MAPK8: variants seen among roughly 807,000 people sequenced by gnomAD.
The protein encoded by MAPK8 is mitogen-activated protein kinase 8, also known as JUN N-terminal kinase.
In MAPK8, 13 loss-of-function variants were observed where a neutral mutation model predicts 52.9. The observed-to-expected ratio is 0.25, with a 90% confidence interval of 0.16 to 0.39. The LOEUF is 0.39. MAPK8 is among the 10% of genes least tolerant of loss of function. MAPK8 has a pLI of 1.00. For missense variants in MAPK8, 300 were observed against 519.2 expected (o/e 0.58, Z 4.10); for synonymous variants, 191 against 169.8 (o/e 1.12, Z -0.97).
chr10:48,423,675 G>A (rs555774205), intron 6 of MAPK8, among the ~76,000 whole-genome samples: 2 of 152,172 alleles, frequency 1.3e-5, no homozygotes, highest in Admixed American at 6.5e-5. Context: ...TTCTTAGAGA[G>A]TATAATGCAC....
chr10:48,415,389 A>G (rs1483398607), intron 5 of MAPK8, among the ~76,000 whole-genome samples: 1 of 152,210 alleles, frequency 6.6e-6, no homozygotes, highest in African/African-American at 2.4e-5. Context: ...AAACAGACCA[A>G]ATGGTAGAAG....
chr10:48,372,313 TCTC>T (rs1589105783), intron 1 of MAPK8, among the ~76,000 whole-genome samples: 1 of 151,964 alleles, frequency 6.6e-6, no homozygotes, highest in African/African-American at 2.4e-5. Context: ...GAACACCTCT[TCTC>T]CTCCAAAGGA....
chr10:48,418,773 T>C (rs538178687), intron 5 of MAPK8, among the ~76,000 whole-genome samples: 133 of 152,322 alleles, frequency 8.7e-4, no homozygotes, highest in African/African-American at 3.0e-3. Context: ...TAATAGTCTT[T>C]GAGGCTTTTT....
At chr10:48,406,789 C>T (rs118075874) in intron 3 of MAPK8, among the ~76,000 whole-genome samples, 4 of 152,160 alleles carry the variant, frequency 2.6e-5, no homozygotes, top group East Asian at 1.9e-4. Flanking sequence ...TAATCTTGGC[C>T]GTTTATCTCT....
intron 5 of MAPK8, among the ~76,000 whole-genome samples, chr10:48,418,384 C>A (rs189905601): frequency 5.9e-5 from 9 of 152,264 alleles, no homozygotes; most frequent in Admixed American, 3.9e-4. Flanking sequence ...AGTGGCTTAG[C>A]ACGACTCAGG....
intron 1 of MAPK8, among the ~76,000 whole-genome samples, chr10:48,345,110 G>T (rs189292915): frequency 1.3e-5 from 2 of 152,146 alleles, no homozygotes; most frequent in African/African-American, 2.4e-5. Context: ...AAACAGAAAG[G>T]ATCATTTTTT....
intron 1 of MAPK8, among the ~76,000 whole-genome samples, chr10:48,312,039 A>ATATT (rs1842030658): frequency 6.6e-6 from 1 of 152,188 alleles, no homozygotes; most frequent in Admixed American, 6.5e-5. Flanking sequence ...AAGGAAGCAA[A>ATATT]TATTGTTAGT....
intron 1 of MAPK8, among the ~76,000 whole-genome samples, chr10:48,352,632 G>T (rs548099535): frequency 6.6e-6 from 1 of 152,220 alleles, no homozygotes; most frequent in South Asian, 2.1e-4. Context: ...ACTGGATAAA[G>T]AATATTTATA....
intron 1 of MAPK8, among the ~76,000 whole-genome samples, chr10:48,335,348 G>T (rs1476008484): frequency 6.6e-6 from 1 of 151,978 alleles, no homozygotes; most frequent in African/African-American, 2.4e-5. Context: ...ATAAATAAAA[G>T]CTTCTGTTAA....
At chr10:48,325,222 C>T (rs1301147582) in intron 1 of MAPK8, among the ~76,000 whole-genome samples, 4 of 152,136 alleles carry the variant, frequency 2.6e-5, no homozygotes, top group Non-Finnish European at 4.4e-5. Flanking sequence ...GTGATCTGCC[C>T]ACCTTGGCCT....
intron 1 of MAPK8, among the ~76,000 whole-genome samples, chr10:48,309,508 A>G (rs1198075486): frequency 6.6e-6 from 1 of 152,236 alleles, no homozygotes; most frequent in Non-Finnish European, 1.5e-5. Flanking sequence ...GCCATTTGGA[A>G]AGGAAGTCAG....
At chr10:48,364,716 A>G (rs748382636) in intron 1 of MAPK8, among the ~76,000 whole-genome samples, 3 of 152,198 alleles carry the variant, frequency 2.0e-5, no homozygotes, top group Admixed American at 6.5e-5. Context: ...TTTTTGCCCA[A>G]GAGAAAATAA....
At chr10:48,371,556 A>T (rs537477367) in intron 1 of MAPK8, among the ~76,000 whole-genome samples, 1 of 152,088 alleles carries the variant, frequency 6.6e-6, no homozygotes, top group South Asian at 2.1e-4. Context: ...GGTGGGGAGT[A>T]GTATCTCCTA....
At chr10:48,433,415 C>T (rs1267719891) in intron 11 of MAPK8, among the ~76,000 whole-genome samples, 2 of 152,108 alleles carry the variant, frequency 1.3e-5, no homozygotes, top group Non-Finnish European at 2.9e-5. Context: ...CACAGATATA[C>T]CATACTGTTC....
intron 1 of MAPK8, among the ~76,000 whole-genome samples, chr10:48,342,460 T>C (rs1251302166): frequency 2.6e-5 from 4 of 152,192 alleles, no homozygotes; most frequent in Admixed American, 6.5e-5. Context: ...TTTGTTCTTA[T>C]TGGGAGAACA....
At chr10:48,348,762 C>G (rs922656478) in intron 1 of MAPK8, among the ~76,000 whole-genome samples, 6 of 152,010 alleles carry the variant, frequency 3.9e-5, no homozygotes, top group Admixed American at 3.3e-4. Context: ...GTTTTGGTAC[C>G]AGTACCATGC....
intron 11 of MAPK8, 75 bp downstream of exon 11, chr10:48,431,345 C>G: frequency 1.1e-6 from 1 of 877,600 alleles, no homozygotes. Flanking sequence ...CTGAAACCTG[C>G]AGTTCTTCCC....
intron 1 of MAPK8, among the ~76,000 whole-genome samples, chr10:48,380,004 G>T (rs1483792993): frequency 6.6e-6 from 1 of 151,062 alleles, no homozygotes; most frequent in Admixed American, 6.6e-5. Flanking sequence ...AGCACTTTGG[G>T]AGGCTGAGGT....
chr10:48,318,439 G>A (rs1842703991), intron 1 of MAPK8, among the ~76,000 whole-genome samples: 1 of 152,176 alleles, frequency 6.6e-6, no homozygotes, highest in Non-Finnish European at 1.5e-5. Context: ...AGGGGGACAA[G>A]GGAAATAAGG....
Sources: allele counts gnomAD v4.1 joint callset (sites outside exome capture counted in the v4.1 genomes callset), GRCh38; gene constraint gnomAD v4.1.1; transcripts MANE v1.5; gene names NCBI Gene and HGNC (gene_info 2026-07-23, HGNC 2026-07-21).